The following AGBL4 variants were observed in gnomAD, a reference collection of about 807,000 sequenced individuals.
AGBL4 encodes the protein cytosolic carboxypeptidase 6.
A neutral mutation model predicts 66.4 loss-of-function variants in AGBL4; 58 were observed. The observed-to-expected ratio is 0.87, with a 90% CI of 0.71 to 1.09. The LOEUF (loss-of-function observed/expected upper bound fraction) is 1.09. Among genes scored for constraint, AGBL4 ranks in the 50% least tolerant of loss-of-function variants. The probability of loss-of-function intolerance (pLI) is 0.00; values close to 1 mark genes in which losing one functional copy is unlikely to be tolerated. For synonymous variants in AGBL4, 234 were observed against 222.9 expected, an observed-to-expected ratio of 1.05 and a Z score of -0.44; for missense variants, 579 against 631.0, an observed-to-expected ratio of 0.92 and a Z score of 0.88.
At chr1:49,659,038 C>T (rs1646214736) in intron 3 of AGBL4, among the ~76,000 whole-genome samples, 1 of 151,754 alleles carries the variant, frequency 6.6e-6, no homozygotes, top group Admixed American at 6.6e-5. Context: ...AAATTTTCAA[C>T]CTAAAATTGT....
intron 1 of AGBL4, among the ~76,000 whole-genome samples, chr1:49,994,155 A>T (rs1296634830): frequency 6.6e-6 from 1 of 152,158 alleles, no homozygotes; most frequent in Non-Finnish European, 1.5e-5. Flanking sequence ...GCCAGACATT[A>T]TGTGTCTCTT....
At chr1:48,870,329 T>C (rs1323433303) in intron 5 of AGBL4, among the ~76,000 whole-genome samples, 1 of 152,078 alleles carries the variant, frequency 6.6e-6, no homozygotes, top group Non-Finnish European at 1.5e-5. Context: ...GAAAGTATCA[T>C]GTACCGTCTT....
At chr1:49,192,433 G>C (rs1350469728) in intron 4 of AGBL4, among the ~76,000 whole-genome samples, 1 of 152,046 alleles carries the variant, frequency 6.6e-6, no homozygotes, top group Non-Finnish European at 1.5e-5. Context: ...AGAGTAGCTG[G>C]GATTATAGGC....
chr1:48,815,983 G>T (rs888642462), intron 6 of AGBL4, among the ~76,000 whole-genome samples: 1 of 151,560 alleles, frequency 6.6e-6, no homozygotes, highest in Non-Finnish European at 1.5e-5. Flanking sequence ...CTTTGTTCTG[G>T]CATTAGCTGC....
chr1:49,780,886 G>A (rs953322853), intron 2 of AGBL4, among the ~76,000 whole-genome samples: 4 of 152,090 alleles, frequency 2.6e-5, no homozygotes, highest in Non-Finnish European at 5.9e-5. Context: ...CATTAAATAT[G>A]AATGGATTAA....
chr1:48,613,583 G>A (rs559338252), intron 9 of AGBL4, among the ~76,000 whole-genome samples: 8 of 152,262 alleles, frequency 5.3e-5, no homozygotes, highest in Non-Finnish European at 7.4e-5. Flanking sequence ...TTTGGCTAAC[G>A]GAATGTGAGC....
At chr1:48,854,261 C>T (rs1257880161) in intron 6 of AGBL4, among the ~76,000 whole-genome samples, 1 of 152,208 alleles carries the variant, frequency 6.6e-6, no homozygotes, top group African/African-American at 2.4e-5. Flanking sequence ...ATAAATAAGG[C>T]TGGCATCCTG....
At chr1:48,602,557 A>G (rs1645088824) in intron 9 of AGBL4, among the ~76,000 whole-genome samples, 1 of 152,146 alleles carries the variant, frequency 6.6e-6, no homozygotes. Context: ...CAGCAGTTCA[A>G]TCATTCCCCT....
At chr1:49,788,147 G>A (rs537522021) in intron 2 of AGBL4, among the ~76,000 whole-genome samples, 1 of 152,166 alleles carries the variant, frequency 6.6e-6, no homozygotes, top group African/African-American at 2.4e-5. Context: ...TTTTCTTGGG[G>A]ATATGCAAAC....
At chr1:49,080,852 G>A (rs1644797345) in intron 4 of AGBL4, among the ~76,000 whole-genome samples, 1 of 151,992 alleles carries the variant, frequency 6.6e-6, no homozygotes, top group South Asian at 2.1e-4. Context: ...AAATTATGTG[G>A]TTTTTCATAT....
chr1:49,880,881 G>A (rs965388480), intron 1 of AGBL4, among the ~76,000 whole-genome samples: 47 of 152,042 alleles, frequency 3.1e-4, no homozygotes, highest in African/African-American at 8.9e-4. Context: ...TTTTTAAGCC[G>A]GTCTGAAAAG....
At chr1:48,725,919 C>A (rs554110911) in intron 6 of AGBL4, among the ~76,000 whole-genome samples, 1 of 152,258 alleles carries the variant, frequency 6.6e-6, no homozygotes, top group Non-Finnish European at 1.5e-5. Flanking sequence ...CTGCCTTCTA[C>A]GCTAAGGATA....
intron 4 of AGBL4, among the ~76,000 whole-genome samples, chr1:49,201,858 A>T (rs951904680): frequency 6.6e-6 from 1 of 152,146 alleles, no homozygotes. Flanking sequence ...CAGTTTCCTG[A>T]ATTTGTGCTC....
intron 11 of AGBL4, among the ~76,000 whole-genome samples, chr1:48,567,614 C>T (rs1305949917): frequency 6.6e-6 from 1 of 152,186 alleles, no homozygotes; most frequent in Non-Finnish European, 1.5e-5. Context: ...AATCCTCAGA[C>T]AGTATATTAC....
chr1:49,935,035 C>T (rs1029624865), intron 1 of AGBL4, among the ~76,000 whole-genome samples: 2 of 152,236 alleles, frequency 1.3e-5, no homozygotes, highest in Non-Finnish European at 2.9e-5. Flanking sequence ...CAAGGCATTG[C>T]CTCACTCGGG....
chr1:48,772,242 G>T (rs868612564), intron 6 of AGBL4, among the ~76,000 whole-genome samples: 15 of 152,206 alleles, frequency 9.9e-5, no homozygotes, highest in African/African-American at 3.4e-4. Flanking sequence ...CAAAACCAAA[G>T]TGAAAAGAGA....
intron 11 of AGBL4, among the ~76,000 whole-genome samples, chr1:48,568,389 GC>G (rs1644509046): frequency 6.6e-6 from 1 of 151,984 alleles, no homozygotes; most frequent in Non-Finnish European, 1.5e-5. Flanking sequence ...GGCTAGCTTG[GC>G]TCCAGGCCAC....
chr1:49,254,498 C>T (rs892518817), intron 3 of AGBL4, among the ~76,000 whole-genome samples: 2 of 152,090 alleles, frequency 1.3e-5, no homozygotes, highest in African/African-American at 2.4e-5. Flanking sequence ...CAAAACACTG[C>T]TCAAAGAAAT....
chr1:48,588,991 G>A (rs530079269), intron 10 of AGBL4, among the ~76,000 whole-genome samples: 10 of 152,140 alleles, frequency 6.6e-5, no homozygotes, highest in Non-Finnish European at 1.2e-4. Context: ...GTAGTCCCTG[G>A]AAACTTCACC....
Sources: gnomAD v4.1 joint callset for allele counts (sites outside exome capture counted in the v4.1 genomes callset) on GRCh38, gnomAD v4.1.1 for gene constraint, MANE v1.5 for transcripts, NCBI Gene and HGNC (gene_info 2026-07-23, HGNC 2026-07-21) for gene names.